Variants in DENND1A observed in about 807,000 individuals in gnomAD.
DENND1A encodes DENN domain-containing protein 1A.
Under a neutral mutation model 113.7 loss-of-function variants are expected in DENND1A, and 51 were observed. That is an observed-to-expected ratio of 0.45 (90% CI 0.36 to 0.57). The LOEUF is 0.57. DENND1A is among the 20% of genes least tolerant of loss of function. DENND1A has a pLI of 0.00. For missense variants in DENND1A, 1,258 were observed against 1,395.9 expected (o/e 0.90, Z 1.57); for synonymous variants, 565 against 570.8 (o/e 0.99, Z 0.14).
At chr9:123,681,852 C>A (rs2064483820) in intron 5 of DENND1A, among the ~76,000 whole-genome samples, 2 of 151,686 alleles carry the variant, frequency 1.3e-5, no homozygotes, top group Admixed American at 1.3e-4. Context: ...GTAATAGGAA[C>A]CTGGGCTCCT....
At chr9:123,499,951 T>C (rs181806109) in intron 13 of DENND1A, among the ~76,000 whole-genome samples, 1 of 152,082 alleles carries the variant, frequency 6.6e-6, no homozygotes, top group African/African-American at 2.4e-5. Flanking sequence ...GCCGAATGAA[T>C]CGATGAGCAA....
intron 22 of DENND1A, among the ~76,000 whole-genome samples, chr9:123,386,479 T>A (rs2042570883): frequency 6.6e-6 from 1 of 151,656 alleles, no homozygotes; most frequent in East Asian, 1.9e-4. Flanking sequence ...CCTCCCGGGT[T>A]CAAGTGATTC....
chr9:123,600,688 G>A (rs767361678), intron 11 of DENND1A, among the ~76,000 whole-genome samples: 9 of 152,084 alleles, frequency 5.9e-5, no homozygotes, highest in Non-Finnish European at 1.0e-4. Flanking sequence ...TGCTTAGGCC[G>A]GGTGTGGTGG....
intron 11 of DENND1A, among the ~76,000 whole-genome samples, chr9:123,593,296 G>T (rs1172412479): frequency 1.3e-5 from 2 of 152,132 alleles, no homozygotes. Flanking sequence ...CATAAAATGG[G>T]TCTATAACAA....
intron 1 of DENND1A, among the ~76,000 whole-genome samples, chr9:123,908,908 T>C (rs1588192161): frequency 6.6e-6 from 1 of 152,200 alleles, no homozygotes; most frequent in Admixed American, 6.5e-5. Context: ...CGTATGTTTA[T>C]TGCGGCATTA....
At position 123,454,855 on chromosome 9, in the gene DENND1A, T is replaced by C. The variant is rs574398062; in HGVS notation, c.1187-76A>G. On this transcript the variant is annotated intron_variant, in intron 15 of 23. Coordinates refer to ENST00000394215, the MANE Select transcript of DENND1A (RefSeq NM_001352964.2). ...TTGGGAGTCCTTAAAATTGCTTTTTTTTTTTTTTTTGAGATGGAGTCTCAC... is the reference window on the plus strand; with the variant it reads ...TTGGGAGTCCTTAAAATTGCTTTTTCTTTTTTTTTTGAGATGGAGTCTCAC... 7.9e-5 allele frequency: 111 copies of C among 1,413,502 alleles called. 1 individual carries two copies. The South Asian group carries it at 1.3e-3, about 16-fold the overall frequency. The allele number at this position is 1,413,502 out of a possible 1,614,324, so 87.6% of individuals were successfully genotyped here.
intron 8 of DENND1A, among the ~76,000 whole-genome samples, chr9:123,662,713 C>T (rs1231603751): frequency 1.3e-5 from 2 of 152,084 alleles, no homozygotes; most frequent in South Asian, 2.1e-4. Context: ...AGAATGCTTA[C>T]GTGACAAAAA....
chr9:123,425,205 A>T (rs1345987941), intron 19 of DENND1A, among the ~76,000 whole-genome samples: 4 of 152,170 alleles, frequency 2.6e-5, no homozygotes, highest in Non-Finnish European at 5.9e-5. Flanking sequence ...GAGAATTCTA[A>T]TCTGAGAAAA....
At chr9:123,767,438 G>A (rs1345967443) in intron 4 of DENND1A, among the ~76,000 whole-genome samples, 4 of 151,924 alleles carry the variant, frequency 2.6e-5, no homozygotes, top group Non-Finnish European at 5.9e-5. Context: ...ATGATTAGGG[G>A]AACATAATTT....
chr9:123,472,551 C>T (rs1311316400), intron 13 of DENND1A, among the ~76,000 whole-genome samples: 1 of 152,164 alleles, frequency 6.6e-6, no homozygotes, highest in African/African-American at 2.4e-5. Flanking sequence ...CCGGTACACC[C>T]CGCCCAGCCC....
intron 13 of DENND1A, among the ~76,000 whole-genome samples, chr9:123,523,307 A>G (rs1170116518): frequency 6.6e-6 from 1 of 152,138 alleles, no homozygotes; most frequent in Admixed American, 6.5e-5. Context: ...TCAGCGCTCC[A>G]CATTCCTCAT....
intron 2 of DENND1A, among the ~76,000 whole-genome samples, chr9:123,845,829 T>C (rs886744862): frequency 3.9e-5 from 6 of 152,050 alleles, no homozygotes; most frequent in African/African-American, 1.4e-4. Context: ...GTTTCTTAGG[T>C]ACCATACTAA....
intron 9 of DENND1A, among the ~76,000 whole-genome samples, chr9:123,632,600 G>A (rs146472878): frequency 3.3e-5 from 5 of 151,942 alleles, no homozygotes; most frequent in African/African-American, 7.3e-5. Context: ...TGCAGGTTCC[G>A]GCCCATCACT....
At chr9:123,398,967 T>G (rs1004254362) in intron 21 of DENND1A, among the ~76,000 whole-genome samples, 13 of 150,788 alleles carry the variant, frequency 8.6e-5, no homozygotes, top group Non-Finnish European at 3.0e-5. Context: ...GCTAATTTTT[T>G]GTGTTTTTAG....
intron 5 of DENND1A, among the ~76,000 whole-genome samples, chr9:123,728,723 A>T (rs1434096691): frequency 3.3e-5 from 5 of 152,278 alleles, no homozygotes; most frequent in African/African-American, 1.2e-4. Context: ...AATTACTATG[A>T]TGCCACGATT....
intron 1 of DENND1A, among the ~76,000 whole-genome samples, chr9:123,927,552 A>G (rs1588297032): frequency 6.6e-6 from 1 of 152,316 alleles, no homozygotes; most frequent in South Asian, 2.1e-4. Context: ...TAATAACCCT[A>G]CAACCTGGAC....
intron 1 of DENND1A, among the ~76,000 whole-genome samples, chr9:123,879,782 T>G (rs1848057870): frequency 1.3e-5 from 2 of 152,302 alleles, no homozygotes; most frequent in African/African-American, 2.4e-5. Flanking sequence ...AACTTGCTTA[T>G]GTACAGGTTT....
intron 13 of DENND1A, among the ~76,000 whole-genome samples, chr9:123,501,614 G>A (rs562544604): frequency 2.0e-5 from 3 of 152,210 alleles, no homozygotes. Context: ...GGTTAATACT[G>A]AGTGTCAACT....
intron 12 of DENND1A, among the ~76,000 whole-genome samples, chr9:123,574,051 A>G (rs925004179): frequency 2.0e-5 from 3 of 151,670 alleles, no homozygotes; most frequent in Non-Finnish European, 2.9e-5. Flanking sequence ...GGTTTTTCAA[A>G]TATTTAGCCA....
Sources: allele counts gnomAD v4.1 joint callset (sites outside exome capture counted in the v4.1 genomes callset), GRCh38; gene constraint gnomAD v4.1.1; transcripts MANE v1.5; gene names NCBI Gene and HGNC (gene_info 2026-07-23, HGNC 2026-07-21).